IQSEC3: variants seen among roughly 807,000 people sequenced by gnomAD.
The protein encoded by IQSEC3 is IQ motif and Sec7 domain ArfGEF 3, also known as IQ motif and SEC7 domain-containing protein 3.
Under a neutral mutation model 105.4 loss-of-function variants are expected in IQSEC3, and 50 were observed. The ratio of observed to expected loss-of-function variants is 0.47; its 90% CI spans 0.38 to 0.60. IQSEC3 has a LOEUF of 0.60. Among genes scored for constraint, IQSEC3 ranks in the 20% least tolerant of loss-of-function variants. IQSEC3 has a pLI of 0.00. For missense variants in IQSEC3, 1,415 were observed against 1,630.0 expected (o/e 0.87, Z 2.27); for synonymous variants, 708 against 746.0 (o/e 0.95, Z 0.83).
At position 139,305 on chromosome 12, in the gene IQSEC3, G is replaced by C. The variant is rs1555088386; in HGVS notation, c.1942G>C (p.Asp648His). 6.2e-7 allele frequency: 1 copy of C among 1,600,140 alleles called. No homozygotes were observed. Among genetic ancestry groups the C allele is most frequent in the African/African-American group, 1.3e-5 (1 of 74,262 alleles). The change falls in exon 4 of 14, where the codon GAC (aspartate) becomes CAC (histidine). Residue 648 changes from aspartate to histidine, a missense_variant. Transcript: ENST00000538872. Reference sequence around the variant, plus strand: ...CTGCAAGTCGCCCACGCTCTCCACCGACACCCTGCGCAAGCGGCTCTACCG... The same window carrying C: ...CTGCAAGTCGCCCACGCTCTCCACCCACACCCTGCGCAAGCGGCTCTACCG... ...ASCKSPTLST[D>H]TLRKRLYRIG...
intron 12 of IQSEC3, among the ~76,000 whole-genome samples, chr12:170,083 CT>C (rs145405320): frequency 0.018 from 2,805 of 152,320 alleles, 70 homozygotes; most frequent in Non-Finnish European, 0.023. Context: ...ATGAGATTCA[CT>C]TTCCAAGCAG....
chr12:166,316 C>CT (rs1471420617), intron 11 of IQSEC3: 1 of 183,118 alleles, frequency 5.5e-6, no homozygotes, highest in African/African-American at 2.4e-5. Context: ...TCTTCACTCT[C>CT]TTTTAATCTT....
Position 138,201 on chromosome 12 carries a change from C to A in IQSEC3, c.904-66C>A. The A allele has an allele frequency of 7.0e-7, 1 of 1,435,404 alleles. No individual in the cohort carries two copies. The highest frequency in any genetic ancestry group is 1.3e-5 in the South Asian group (1 of 77,500). 88.9% of individuals were successfully genotyped at this position (1,435,404 alleles called of 1,614,324 possible). A position where few individuals can be genotyped will look rare whatever the true frequency, so the allele number is the denominator to read the frequency against. ...CGAGTGTGGCCGGGTGACTCCACCA[C>A]TCCTCAGAAGGGCTGACCACCCTTC... On this transcript the variant is annotated intron_variant, in intron 3 of 13. Transcript: ENST00000538872. This position sits in a 1 kb window ranked among gnomAD's most constrained non-coding sequence, Gnocchi z 7.1.
Position 138,150 on chromosome 12 carries a change from G to A in IQSEC3, c.904-117G>A, listed in dbSNP as rs545366977. The A allele has an allele frequency of 5.2e-6, 4 of 774,312 alleles. No individual in the cohort carries two copies. In the South Asian group the frequency reaches 7.0e-5, roughly 14 times the overall value. The allele number at this position is 774,312 out of a possible 1,614,324, so 48.0% of individuals were successfully genotyped here. A position where few individuals can be genotyped will look rare whatever the true frequency, so the allele number is the denominator to read the frequency against. On this transcript the variant is annotated intron_variant, in intron 3 of 13. Transcript: ENST00000538872. The surrounding 1 kb of genome is among the most constrained non-coding windows in gnomAD (Gnocchi z 7.1). ...TTTAGCTGCCCAGGAGCGCCCCCCC[G>A]CCCCCGTCCATTCCTGGGCCCCACC... is the stretch of plus-strand genomic sequence containing the variant.
intron 7 of IQSEC3, among the ~76,000 whole-genome samples, chr12:161,680 G>C (rs1298062440): frequency 6.6e-6 from 1 of 152,166 alleles, no homozygotes; most frequent in Non-Finnish European, 1.5e-5. Context: ...GAAGACTCTG[G>C]TTGGGGAACA....
At chr12:153,361 C>T (rs543700050) in intron 5 of IQSEC3, among the ~76,000 whole-genome samples, 6 of 152,272 alleles carry the variant, frequency 3.9e-5, no homozygotes, top group South Asian at 2.1e-4. Context: ...AGTGCTGCTG[C>T]GGGTCGTCTG....
chr12:167,164 T>C (rs2137061373), intron 11 of IQSEC3: 1 of 152,272 alleles, frequency 6.6e-6, no homozygotes, highest in Admixed American at 6.5e-5. Flanking sequence ...AACAGATTCT[T>C]TTCAAGGGCT....
Position 138,612 on chromosome 12 carries a change from C to T in IQSEC3, c.1249C>T (p.Leu417Phe). The change falls in exon 4 of 14, where the codon CTC (leucine) becomes TTC (phenylalanine). Residue 417 changes from leucine to phenylalanine, a missense_variant. Leu to Phe is a conservative substitution (Grantham distance 22). Transcript: ENST00000538872. This position sits in a 1 kb window ranked among gnomAD's most constrained non-coding sequence, Gnocchi z 7.1. ...QSLAKSIDDA[L>F]STWSLKTMCS... ...CCTGGCCAAGTCCATCGACGACGCG[C>T]TCAGCACGTGGAGCCTCAAGACCAT... 1 of 1,588,804 alleles carries T rather than the reference C, an allele frequency of 6.3e-7. No homozygotes were observed. The highest frequency in any genetic ancestry group is 8.5e-7 in the Non-Finnish European group (1 of 1,175,110).
At position 101,801 on chromosome 12, in the gene IQSEC3, T is replaced by C. The variant is rs1212849796; in HGVS notation, c.623+2587T>C. On this transcript the variant is annotated intron_variant, in intron 2 of 13. Transcript: ENST00000538872. Reference sequence around the variant, plus strand: ...AGCCCAACAGTGTACGTGTTTGCTCTTGGCTTCTTGGGGGAATTCTATGCT... The same window carrying C: ...AGCCCAACAGTGTACGTGTTTGCTCCTGGCTTCTTGGGGGAATTCTATGCT... Among the ~76,000 whole-genome samples the C allele has an allele frequency of 2.6e-5, 4 of 152,162 alleles. No homozygotes were observed. The East Asian group carries it at 7.7e-4, about 29-fold the overall frequency.
chr12:112,911 AT>A (rs1204926157), intron 2 of IQSEC3, among the ~76,000 whole-genome samples: 1 of 151,796 alleles, frequency 6.6e-6, no homozygotes, highest in Non-Finnish European at 1.5e-5. Context: ...TATTATCATA[AT>A]ATTTTATTAT....
intron 5 of IQSEC3, among the ~76,000 whole-genome samples, chr12:147,054 T>C (rs11061652): frequency 0.31 from 47,853 of 152,072 alleles, 8,516 homozygotes; most frequent in Admixed American, 0.4. Context: ...TTCGTCACTT[T>C]GGCATATAAA....
chr12:138,431 G>C lies in IQSEC3; in HGVS notation c.1068G>C (p.Val356=). 2 of 1,607,414 alleles carry C rather than the reference G, an allele frequency of 1.2e-6. No individual in the cohort carries two copies. Among genetic ancestry groups the C allele is most frequent in the Non-Finnish European group, 1.7e-6 (2 of 1,179,654 alleles). ...RLPRRISLRK[V]RSPTAESLAA... Reference sequence around the variant, plus strand: ...CACGGCGGATCTCCCTGCGCAAGGTGCGGTCACCCACGGCCGAGAGCCTGG... The same window carrying C: ...CACGGCGGATCTCCCTGCGCAAGGTCCGGTCACCCACGGCCGAGAGCCTGG... The change falls in exon 4 of 14, where the codon GTG becomes GTC. Residue 356 remains valine, a synonymous_variant. Coordinates refer to ENST00000538872, the MANE Select transcript of IQSEC3 (RefSeq NM_001170738.2). This position sits in a 1 kb window ranked among gnomAD's most constrained non-coding sequence, Gnocchi z 7.1.
intron 2 of IQSEC3, among the ~76,000 whole-genome samples, chr12:102,721 G>A (rs560374019): frequency 1.3e-5 from 2 of 152,200 alleles, no homozygotes; most frequent in South Asian, 4.1e-4. Flanking sequence ...GCTGGGAGCC[G>A]GACAGGGAGT....
At chr12:69,650 C>T (rs1156533998) in intron 1 of IQSEC3, among the ~76,000 whole-genome samples, 6 of 152,388 alleles carry the variant, frequency 3.9e-5, no homozygotes, top group Admixed American at 2.0e-4. Flanking sequence ...TGCCTGCCTC[C>T]CCTCATCCCT....
intron 3 of IQSEC3, among the ~76,000 whole-genome samples, chr12:131,877 C>A (rs1182968644): frequency 6.6e-6 from 1 of 152,144 alleles, no homozygotes; most frequent in Non-Finnish European, 1.5e-5. Flanking sequence ...GATGGTGAAC[C>A]CGGAACTGAA....
At chr12:73,079 TAAATAAATAAATAAATA>T (rs1863387547) in intron 1 of IQSEC3, among the ~76,000 whole-genome samples, 1 of 131,494 alleles carries the variant, frequency 7.6e-6, no homozygotes, top group Non-Finnish European at 1.7e-5. Context: ...AATAAATAAA[TAAATAAATAAATAAATA>T]AAAAAGGGAA....
chr12:83,330 T>C (rs763885360), intron 1 of IQSEC3, among the ~76,000 whole-genome samples: 3 of 152,098 alleles, frequency 2.0e-5, no homozygotes, highest in Non-Finnish European at 2.9e-5. Flanking sequence ...CCTGCCGTCA[T>C]GGAGCTCCCA....
intron 7 of IQSEC3, among the ~76,000 whole-genome samples, chr12:158,549 C>T (rs78861165): frequency 0.087 from 13,272 of 152,244 alleles, 1,069 homozygotes; most frequent in African/African-American, 0.22. Context: ...TCAATGCCTT[C>T]GCCCAAGAGT....
chr12:110,250 C>T (rs1864835392), intron 2 of IQSEC3, among the ~76,000 whole-genome samples: 1 of 152,142 alleles, frequency 6.6e-6, no homozygotes, highest in South Asian at 2.1e-4. Flanking sequence ...ATCGGTTTTT[C>T]ATTCCACCTA....
Sources: gnomAD v4.1 joint callset for allele counts (sites outside exome capture counted in the v4.1 genomes callset) on GRCh38, gnomAD v4.1.1 for gene constraint, Gnocchi (gnomAD v3.1) non-coding constraint, MANE v1.5 for transcripts, NCBI Gene and HGNC (gene_info 2026-07-23, HGNC 2026-07-21) for gene names.